The following LIPA variants were observed in gnomAD, a reference collection of about 807,000 sequenced individuals.
LIPA encodes the protein lipase A, lysosomal acid type.
LIPA carries 26 observed loss-of-function variants against 40.6 expected under a neutral mutation model. That is an observed-to-expected ratio of 0.64 (90% CI 0.47 to 0.89). The LOEUF (loss-of-function observed/expected upper bound fraction) is 0.89. LIPA is among the 40% of genes least tolerant of loss of function. The pLI is 0.00. For missense variants in LIPA, 455 were observed against 479.6 expected (o/e 0.95, Z 0.48); for synonymous variants, 188 against 168.4 (o/e 1.12, Z -0.90).
At chr10:89,335,399 T>C (rs904722241) in intron 1 of LIPA, 2 of 152,146 alleles carry the variant, frequency 1.3e-5, no homozygotes, top group African/African-American at 4.8e-5. Context: ...CAACACTTTC[T>C]TGAGCAATTG....
At chr10:89,314,814 T>A (rs1393782233) in intron 1 of LIPA, among the ~76,000 whole-genome samples, 1 of 152,206 alleles carries the variant, frequency 6.6e-6, no homozygotes, top group Non-Finnish European at 1.5e-5. Flanking sequence ...GGACAATAGG[T>A]CCTACTGTAC....
chr10:89,352,934 T>C (rs1338771698), intron 2 of LIPA, among the ~76,000 whole-genome samples: 2 of 152,150 alleles, frequency 1.3e-5, no homozygotes, highest in Non-Finnish European at 2.9e-5. Context: ...TCTTCACCAG[T>C]ACAGGACAGA....
At position 89,244,096 on chromosome 10, in the gene LIPA, T is replaced by C. The variant is rs573431392; in HGVS notation, c.229+1580A>G. Among the ~76,000 whole-genome samples the C allele has an allele frequency of 3.0e-4, 46 of 152,262 alleles. 1 individual carries two copies. In the South Asian group the frequency reaches 8.7e-3, roughly 29 times the overall value. ...AGCTCTCACTATAACTCATCACTCA[T>C]TTTATAACATATTTATAAAAAGGAA... is the stretch of plus-strand genomic sequence containing the variant. On this transcript the variant is annotated intron_variant, in intron 3 of 9. Coordinates refer to ENST00000336233, the MANE Select transcript of LIPA (RefSeq NM_000235.4).
chr10:89,331,057 C>T (rs1435669104), intron 1 of LIPA, among the ~76,000 whole-genome samples: 1 of 152,212 alleles, frequency 6.6e-6, no homozygotes, highest in Non-Finnish European at 1.5e-5. Context: ...AGTAGAGCTG[C>T]ACCCAAGAAT....
At chr10:89,402,202 A>C (rs1428619168) in intron 2 of LIPA, 1 of 885,856 alleles carries the variant, frequency 1.1e-6, no homozygotes, top group African/African-American at 1.7e-5. Context: ...ATAAGCACTA[A>C]AATACAAGGT....
intron 3 of LIPA, among the ~76,000 whole-genome samples, chr10:89,230,388 C>A (rs1202606771): frequency 6.6e-6 from 1 of 152,148 alleles, no homozygotes; most frequent in Admixed American, 6.5e-5. Context: ...CTCACAGCAA[C>A]CTCCACCTTC....
intron 2 of LIPA, among the ~76,000 whole-genome samples, chr10:89,367,507 A>T (rs1258680015): frequency 6.6e-6 from 1 of 152,230 alleles, no homozygotes; most frequent in Non-Finnish European, 1.5e-5. Flanking sequence ...ATAGAAACCA[A>T]AGGACATATT....
intron 1 of LIPA, among the ~76,000 whole-genome samples, chr10:89,321,213 C>T (rs1843570103): frequency 6.6e-6 from 1 of 152,012 alleles, no homozygotes; most frequent in Non-Finnish European, 1.5e-5. Flanking sequence ...CCAAAATTGA[C>T]AAATGGGATC....
At chr10:89,222,456 G>A (rs975135389) in intron 8 of LIPA, 55 bp downstream of exon 8, 2 of 1,084,650 alleles carry the variant, frequency 1.8e-6, no homozygotes, top group African/African-American at 3.1e-5. Context: ...TGCATGCCCA[G>A]ACCTTTCTGA....
At chr10:89,343,341 C>A (rs1436422758), upstream of LIPA, among the ~76,000 whole-genome samples, 1 of 152,128 alleles carries the variant, frequency 6.6e-6, no homozygotes, top group East Asian at 1.9e-4. Context: ...CTCTGTGTAG[C>A]ATTTCTTCTT....
intron 1 of LIPA, among the ~76,000 whole-genome samples, chr10:89,330,691 C>T (rs1033217086): frequency 1.3e-5 from 2 of 152,126 alleles, no homozygotes; most frequent in Non-Finnish European, 2.9e-5. Flanking sequence ...AAGAAATATC[C>T]CAGAACTAAG....
chr10:89,302,625 G>C (rs1020222951), intron 1 of LIPA, among the ~76,000 whole-genome samples: 3 of 152,200 alleles, frequency 2.0e-5, no homozygotes, highest in Admixed American at 2.0e-4. Flanking sequence ...TTTTAATGTA[G>C]TTCTTCATCT....
intron 1 of LIPA, among the ~76,000 whole-genome samples, chr10:89,261,171 T>C (rs759135221): frequency 1.5e-4 from 23 of 152,176 alleles, no homozygotes; most frequent in Non-Finnish European, 3.1e-4. Context: ...ATGTGAGTAA[T>C]TGGATGTGAT....
At position 89,274,970 on chromosome 10, in the gene LIPA, T is replaced by C. The variant is rs183473807; in HGVS notation, c.-1-27321A>G. ...GTTTTCTTAAAATGAAAAGGCATTC[T>C]ATCTTAAGAGACACTGCCAAAAGGC... On this transcript the variant is annotated intron_variant, in intron 1 of 5. Coordinates refer to the LIPA transcript ENST00000282673. 8.4e-4 allele frequency among the ~76,000 whole-genome samples: 128 copies of C among 152,356 alleles called. 1 individual carries two copies. Among genetic ancestry groups the C allele is most frequent in the African/African-American group, 2.9e-3 (122 of 41,594 alleles).
intron 2 of LIPA, among the ~76,000 whole-genome samples, chr10:89,378,495 G>A (rs139935818): frequency 1.5e-3 from 221 of 152,242 alleles, no homozygotes; most frequent in African/African-American, 5.0e-3. Flanking sequence ...TAGGGGAGGG[G>A]CTTCTCAAGA....
At chr10:89,328,962 T>G (rs1357288024) in intron 1 of LIPA, among the ~76,000 whole-genome samples, 1 of 152,190 alleles carries the variant, frequency 6.6e-6, no homozygotes, top group African/African-American at 2.4e-5. Flanking sequence ...CTCATCAGAC[T>G]ATACACTGAA....
chr10:89,231,235 T>A (rs1397366909), intron 3 of LIPA, among the ~76,000 whole-genome samples: 9 of 152,248 alleles, frequency 5.9e-5, no homozygotes. Context: ...ATGATAAGAC[T>A]ATAAGTGAAT....
chr10:89,276,874 A>T (rs1843291839), intron 1 of LIPA, among the ~76,000 whole-genome samples: 1 of 152,196 alleles, frequency 6.6e-6, no homozygotes, highest in Non-Finnish European at 1.5e-5. Flanking sequence ...ACTGCAACAG[A>T]AATACTAAAT....
At chr10:89,259,948 A>G (rs1185960634) in intron 1 of LIPA, among the ~76,000 whole-genome samples, 1 of 152,138 alleles carries the variant, frequency 6.6e-6, no homozygotes, top group Non-Finnish European at 1.5e-5. Flanking sequence ...GAATAAATAT[A>G]TTTGTTATCT....
Sources: allele counts gnomAD v4.1 joint callset (sites outside exome capture counted in the v4.1 genomes callset), GRCh38; gene constraint gnomAD v4.1.1; transcripts MANE v1.5; gene names NCBI Gene and HGNC (gene_info 2026-07-23, HGNC 2026-07-21).